PCSK9: variants seen among roughly 807,000 people sequenced by gnomAD.
PCSK9 encodes the protein proprotein convertase subtilisin/kexin type 9.
A neutral mutation model predicts 62.1 loss-of-function variants in PCSK9; 57 were observed. The observed-to-expected ratio is 0.92, with a 90% CI of 0.74 to 1.14. PCSK9 has a LOEUF of 1.14. Ranked by LOEUF, PCSK9 falls within the 50% of genes most tolerant of loss-of-function variation. The pLI, the probability that PCSK9 is intolerant of heterozygous loss-of-function variation, is 0.00. For synonymous variants in PCSK9, 387 were observed against 409.4 expected (o/e 0.95, Z 0.66); for missense variants, 870 against 959.8 (o/e 0.91, Z 1.24).
rs28362285 is a variant in PCSK9, at chr1:55,063,374, C to T, written c.1869C>T (p.Thr623=). ...TTTTCCTCGGGCTCTGGCAGGTGAC[C>T]GTGGCCTGCGAGGAGGGCTGGACCC... ...HGIPAPQEQV[T]VACEEGWTLT... is the part of the protein sequence containing the mutation. Residue 623 remains threonine (T), a synonymous_variant, in exon 12 of 12, where the codon ACC becomes ACT. Coordinates refer to ENST00000302118, the MANE Select transcript of PCSK9 (RefSeq NM_174936.4). 1.1e-3 allele frequency: 1,796 copies of T among 1,613,520 alleles called. 8 individuals are homozygous for T. In the African/African-American group the frequency reaches 0.016, roughly 14 times the overall value.
At position 55,040,161 on chromosome 1, in the gene PCSK9, G is replaced by A; in HGVS notation, c.207+117G>A. On this transcript the variant is annotated intron_variant, in intron 1 of 11. Coordinates refer to ENST00000302118, the MANE Select transcript of PCSK9 (RefSeq NM_174936.4). This position sits in a 1 kb window ranked among gnomAD's most constrained non-coding sequence, Gnocchi z 4.1. ...GAGAGGAAGTGGAGTGCAGGTCGCC[G>A]AGGGCTCTTCGCTTGGCACGATCTT... The A allele has an allele frequency of 7.4e-7, 1 of 1,347,192 alleles. No individual in the cohort carries two copies. Among genetic ancestry groups the A allele is most frequent in the Non-Finnish European group, 1.0e-6 (1 of 987,384 alleles). 83.5% of individuals were successfully genotyped at this position (1,347,192 alleles called of 1,614,324 possible).
At chr1:55,057,585 G>A (rs963669676) in intron 7 of PCSK9, 71 bp downstream of exon 7, 53 of 1,517,428 alleles carry the variant, frequency 3.5e-5, no homozygotes, top group Middle Eastern at 4.6e-4. Context: ...GTCTGTGCCG[G>A]GACCTCCAGT....
Position 55,057,931 on chromosome 1 carries a change from C to T in PCSK9, c.1181-105C>T, listed in dbSNP as rs113749908. ...GAAGAGAGCTTAGTGTCTGTGTGCACGTGTGTTTGTGTGTATGTGTGTGCG... is the reference window on the plus strand; with the variant it reads ...GAAGAGAGCTTAGTGTCTGTGTGCATGTGTGTTTGTGTGTATGTGTGTGCG... On this transcript the variant is annotated intron_variant, in intron 7 of 11. Transcript: ENST00000302118. 2,582 of 1,462,746 alleles carry T rather than the reference C, an allele frequency of 1.8e-3. 6 individuals carry two copies. The highest frequency in any genetic ancestry group is 2.2e-3 in the Non-Finnish European group (2,303 of 1,044,716). 90.6% of individuals were successfully genotyped at this position (1,462,746 alleles called of 1,614,324 possible). A position where few individuals can be genotyped will look rare whatever the true frequency, so the allele number is the denominator to read the frequency against.
Position 55,061,252 on chromosome 1 carries a change from G to T in PCSK9, c.1682-123G>T. 3.6e-6 allele frequency: 4 copies of T among 1,120,774 alleles called. No individual in the cohort carries two copies. In the Admixed American group the frequency reaches 8.3e-5, roughly 23 times the overall value. 69.4% of individuals were successfully genotyped at this position (1,120,774 alleles called of 1,614,324 possible). On this transcript the variant is annotated intron_variant, in intron 10 of 11. Transcript: ENST00000302118. Reference sequence around the variant, plus strand: ...CAGGCCAGCATCTCTTTTTTTCTTTGAGTTGTTTCTAGGTTTCCTAGCTCT... The same window carrying T: ...CAGGCCAGCATCTCTTTTTTTCTTTTAGTTGTTTCTAGGTTTCCTAGCTCT...
chr1:55,046,439 G>T (rs1395532550), intron 2 of PCSK9, 84 bp from the exon 3 acceptor site: 38 of 1,602,858 alleles, frequency 2.4e-5, no homozygotes, highest in Non-Finnish European at 3.2e-5. Flanking sequence ...GGACAGGTTT[G>T]ATCAGGTAAG....
chr1:55,052,129 T>C (rs990582730), intron 3 of PCSK9, 149 bp from the exon 4 acceptor site: 18 of 1,052,510 alleles, frequency 1.7e-5, no homozygotes, highest in Admixed American at 3.5e-5. Context: ...TAGGATGTAG[T>C]GTGTGAGGAT....
chr1:55,039,714 C>T lies in PCSK9; in HGVS notation c.-124C>T. ...AGGATTCCGCGCGCCCCTTCACGCGCCCTGCTCCTGAACTTCAGCTCCTGC... is the reference window on the plus strand; with the variant it reads ...AGGATTCCGCGCGCCCCTTCACGCGTCCTGCTCCTGAACTTCAGCTCCTGC... On this transcript the variant is annotated 5_prime_UTR_variant, in exon 1 of 12. Coordinates refer to ENST00000302118, the MANE Select transcript of PCSK9 (RefSeq NM_174936.4). The T allele has an allele frequency of 8.3e-7, 1 of 1,197,754 alleles. No individual in the cohort carries two copies. Among genetic ancestry groups the T allele is most frequent in the Non-Finnish European group, 1.2e-6 (1 of 849,486 alleles). The allele number at this position is 1,197,754 out of a possible 1,614,324, so 74.2% of individuals were successfully genotyped here.
chr1:55,056,403 G>C (rs1223799711), intron 6 of PCSK9, among the ~76,000 whole-genome samples: 1 of 151,006 alleles, frequency 6.6e-6, no homozygotes, highest in East Asian at 1.9e-4. Flanking sequence ...CATCATCGCA[G>C]AGTCTGAATA....
Position 55,040,107 on chromosome 1 carries a change from C to A in PCSK9, c.207+63C>A. On this transcript the variant is annotated intron_variant, in intron 1 of 11. Transcript: ENST00000302118. This position sits in a 1 kb window ranked among gnomAD's most constrained non-coding sequence, Gnocchi z 4.1. The stretch of plus-strand genomic sequence containing the variant: ...AGCCGGGACGGTGCGGTGCTGTTTC[C>A]TCTCGGGCCTCAGTTTCCCCCCATG... 1.4e-5 allele frequency: 22 copies of A among 1,522,946 alleles called. No homozygotes were observed. Among genetic ancestry groups the A allele is most frequent in the Non-Finnish European group, 2.0e-5 (22 of 1,126,436 alleles). 94.3% of individuals were successfully genotyped at this position (1,522,946 alleles called of 1,614,324 possible). A position where few individuals can be genotyped will look rare whatever the true frequency, so the allele number is the denominator to read the frequency against.
intron 7 of PCSK9, 151 bp downstream of exon 7, chr1:55,057,665 T>G (rs757982712): frequency 7.5e-6 from 8 of 1,060,088 alleles, no homozygotes; most frequent in Admixed American, 6.0e-5. Flanking sequence ...CTCAGTCTGA[T>G]GAGGGAGGCG....
intron 3 of PCSK9, chr1:55,051,973 C>A (rs1267395194): frequency 2.3e-6 from 1 of 439,602 alleles, no homozygotes; most frequent in Non-Finnish European, 4.2e-6. Flanking sequence ...TTTGAACATT[C>A]ATATTATTGT....
chr1:55,054,418 G>C (rs1477706276), intron 5 of PCSK9, among the ~76,000 whole-genome samples: 1 of 152,156 alleles, frequency 6.6e-6, no homozygotes, highest in East Asian at 1.9e-4. Flanking sequence ...AGCTGTAAAT[G>C]TGGCTGTTGT....
In PCSK9 at chr1:55,039,879, A is replaced by AATGCTG. The variant is rs371488778; in HGVS notation, c.42_43insATGCTG (p.Pro14_Leu15insMetLeu). 1.3e-6 allele frequency: 2 copies of AATGCTG among 1,553,546 alleles called. No individual in the cohort carries two copies. Among genetic ancestry groups the AATGCTG allele is most frequent in the African/African-American group, 2.7e-5 (2 of 73,460 alleles). ...CCAGGCGGTCCTGGTGGCCGCTGCC[A>AATGCTG]CTGCTGCTGCTGCTGCTGCTGCTCC... On this transcript the variant is annotated inframe_insertion, in exon 1 of 12. Transcript: ENST00000302118.
rs28362241 is a variant in PCSK9, at chr1:55,051,841, G to A, written c.524-437G>A. On this transcript the variant is annotated intron_variant, in intron 3 of 11. Coordinates refer to ENST00000302118, the MANE Select transcript of PCSK9 (RefSeq NM_174936.4). Reference sequence around the variant, plus strand: ...CTGTCTCTAAAATGAGCCGGCCAGCGCAGGTGGCCAGACATCACTGTTATT... The same window carrying A: ...CTGTCTCTAAAATGAGCCGGCCAGCACAGGTGGCCAGACATCACTGTTATT... 6.0e-3 allele frequency: 1,655 copies of A among 277,762 alleles called. 25 individuals are homozygous for A. Among genetic ancestry groups the A allele is most frequent in the African/African-American group, 0.034 (1,514 of 44,760 alleles). The allele number at this position is 277,762 out of a possible 1,614,324, so 17.2% of individuals were successfully genotyped here. A position where few individuals can be genotyped will look rare whatever the true frequency, so the allele number is the denominator to read the frequency against.
chr1:55,046,593 A>G lies in PCSK9; in HGVS notation c.470A>G (p.Asn157Ser), dbSNP rs372600893. Reference sequence around the variant, plus strand: ...GTCTTTGCCCAGAGCATCCCGTGGAACCTGGAGCGGATTACCCCTCCACGG... The same window carrying G: ...GTCTTTGCCCAGAGCATCCCGTGGAGCCTGGAGCGGATTACCCCTCCACGG... Reference protein sequence around the residue: ...SSVFAQSIPWNLERITPPRYR... With the variant: ...SSVFAQSIPWSLERITPPRYR... Residue 157 changes from asparagine (N) to serine (S), a missense_variant, in exon 3 of 12, where the codon AAC becomes AGC. Physicochemically the swap from Asn to Ser is conservative, Grantham distance 46. Transcript: ENST00000302118. 1.2e-6 allele frequency: 2 copies of G among 1,614,098 alleles called. No individual in the cohort carries two copies. The highest frequency in any genetic ancestry group is 1.3e-5 in the African/African-American group (1 of 75,026).
rs1035990291 is a variant in PCSK9, at chr1:55,039,710, C to G, written c.-128C>G. Reference sequence around the variant, plus strand: ...AGCCAGGATTCCGCGCGCCCCTTCACGCGCCCTGCTCCTGAACTTCAGCTC... The same window carrying G: ...AGCCAGGATTCCGCGCGCCCCTTCAGGCGCCCTGCTCCTGAACTTCAGCTC... On this transcript the variant is annotated 5_prime_UTR_variant, in exon 1 of 12. Transcript: ENST00000302118. 2 of 1,160,082 alleles carry G rather than the reference C, an allele frequency of 1.7e-6. No individual in the cohort carries two copies. The highest frequency in any genetic ancestry group is 3.1e-5 in the African/African-American group (2 of 64,762). The allele number at this position is 1,160,082 out of a possible 1,614,324, so 71.9% of individuals were successfully genotyped here. A position where few individuals can be genotyped will look rare whatever the true frequency, so the allele number is the denominator to read the frequency against.
chr1:55,061,315 G>A (rs558555095), intron 10 of PCSK9, 60 bp from the exon 11 acceptor site: 20 of 1,527,436 alleles, frequency 1.3e-5, no homozygotes, highest in Non-Finnish European at 1.7e-5. Context: ...TGATGGGGAT[G>A]GGCACTGGAG....
Position 55,043,933 on chromosome 1 carries a change from G to A in PCSK9, c.298G>A (p.Ala100Thr), listed in dbSNP as rs564681731. Residue 100 changes from alanine to threonine, a missense_variant, in exon 2 of 12, where the codon GCC becomes ACC. By Grantham distance (58) the Ala-to-Thr change is moderately conservative. Transcript: ENST00000302118. ...QSERTARRLQ[A>T]QAARRGYLTK... ...AGAGCGCACTGCCCGCCGCCTGCAGGCCCAGGCTGCCCGCCGGGGATACCT... is the reference window on the plus strand; with the variant it reads ...AGAGCGCACTGCCCGCCGCCTGCAGACCCAGGCTGCCCGCCGGGGATACCT... 19 of 1,614,168 alleles carry A rather than the reference G, an allele frequency of 1.2e-5. No homozygotes were observed. In the South Asian group the frequency reaches 1.5e-4, roughly 13 times the overall value.
intron 3 of PCSK9, chr1:55,051,576 A>C: frequency 8.8e-6 from 2 of 226,000 alleles, no homozygotes; most frequent in Non-Finnish European, 8.9e-6. Context: ...TGCATGGGCG[A>C]CTCCCCCAGT....
Sources: gnomAD v4.1 joint callset for allele counts (sites outside exome capture counted in the v4.1 genomes callset) on GRCh38, gnomAD v4.1.1 for gene constraint, Gnocchi (gnomAD v3.1) non-coding constraint, MANE v1.5 for transcripts, NCBI Gene and HGNC (gene_info 2026-07-23, HGNC 2026-07-21) for gene names.